AKT3: variants seen among roughly 807,000 people sequenced by gnomAD.
AKT3 encodes the protein RAC-gamma serine/threonine-protein kinase.
AKT3 carries 15 observed loss-of-function variants against 65.3 expected under a neutral mutation model. The observed-to-expected ratio is 0.23, with a 90% CI of 0.15 to 0.35. The LOEUF (loss-of-function observed/expected upper bound fraction) is 0.35. Ranked by LOEUF, AKT3 falls within the 10% of genes least tolerant of loss-of-function variation. The pLI is 1.00. For synonymous variants in AKT3, 206 were observed against 183.8 expected (o/e 1.12, Z -0.98); for missense variants, 243 against 576.5 (o/e 0.42, Z 5.92).
At chr1:243,839,141 CTTAA>C (rs771246289) in intron 2 of AKT3, among the ~76,000 whole-genome samples, 17 of 152,018 alleles carry the variant, frequency 1.1e-4, no homozygotes, top group East Asian at 5.8e-4. Flanking sequence ...ATAATAAGCC[CTTAA>C]TTAATACTAT....
At chr1:243,706,142 G>T (rs1034579745) in intron 2 of AKT3, among the ~76,000 whole-genome samples, 1 of 152,018 alleles carries the variant, frequency 6.6e-6, no homozygotes, top group Non-Finnish European at 1.5e-5. Context: ...AGTCCATAAC[G>T]CAAGAAACTA....
At chr1:243,725,740 C>T (rs1255936407) in intron 2 of AKT3, among the ~76,000 whole-genome samples, 1 of 151,898 alleles carries the variant, frequency 6.6e-6, no homozygotes, top group Non-Finnish European at 1.5e-5. Context: ...AATACCATTG[C>T]CAAAAAAAAT....
intron 2 of AKT3, among the ~76,000 whole-genome samples, chr1:243,809,179 CAAT>C (rs1026395635): frequency 6.6e-6 from 1 of 152,112 alleles, no homozygotes; most frequent in African/African-American, 2.4e-5. Context: ...TCACACACAA[CAAT>C]ATTAACCTTA....
chr1:243,685,927 G>A (rs1161786462), intron 3 of AKT3, among the ~76,000 whole-genome samples: 1 of 152,100 alleles, frequency 6.6e-6, no homozygotes, highest in Non-Finnish European at 1.5e-5. Context: ...CAAAATCAAT[G>A]TGCAAAAATC....
chr1:243,627,034 C>T (rs1052178772), intron 6 of AKT3, among the ~76,000 whole-genome samples: 3 of 152,118 alleles, frequency 2.0e-5, no homozygotes, highest in Admixed American at 6.5e-5. Context: ...ATGACATGTT[C>T]GACACTGGAG....
At chr1:243,613,246 A>C (rs934263500) in intron 8 of AKT3, among the ~76,000 whole-genome samples, 16 of 151,170 alleles carry the variant, frequency 1.1e-4, no homozygotes, top group African/African-American at 3.9e-4. Context: ...AGAAGAGAAA[A>C]CTCAGCCATA....
chr1:243,764,232 T>G (rs1424032022), intron 2 of AKT3, among the ~76,000 whole-genome samples: 1 of 152,126 alleles, frequency 6.6e-6, no homozygotes, highest in East Asian at 1.9e-4. Context: ...TAAAAATAAT[T>G]TTAATTCCCT....
intron 2 of AKT3, among the ~76,000 whole-genome samples, chr1:243,779,210 T>C (rs556914461): frequency 6.6e-6 from 1 of 152,314 alleles, no homozygotes; most frequent in Non-Finnish European, 1.5e-5. Flanking sequence ...AATCACCTTG[T>C]ATATATCACA....
At chr1:243,790,566 C>T (rs938988853) in intron 2 of AKT3, among the ~76,000 whole-genome samples, 3 of 152,162 alleles carry the variant, frequency 2.0e-5, no homozygotes, top group Non-Finnish European at 4.4e-5. Flanking sequence ...ACGGCTGTTT[C>T]GCTTTCTTAT....
At chr1:243,570,783 A>G (rs1329334312) in intron 9 of AKT3, among the ~76,000 whole-genome samples, 1 of 152,138 alleles carries the variant, frequency 6.6e-6, no homozygotes, top group African/African-American at 2.4e-5. Flanking sequence ...GTACCTTTAC[A>G]GTTTCTGTCC....
Position 243,632,939 on chromosome 1 carries a change from G to A in AKT3, c.561+4672C>T, listed in dbSNP as rs185699539. Among the ~76,000 whole-genome samples, 502 of 152,282 alleles carry A rather than the reference G, an allele frequency of 3.3e-3. 2 individuals are homozygous for A. Among genetic ancestry groups the A allele is most frequent in the Non-Finnish European group, 5.3e-3 (362 of 68,020 alleles). ...CTCTGGATTAGGCTTTGGCTTAAGG[G>A]AATGTTGCAGCTGGTTTGAACTTCT... On this transcript the variant is annotated intron_variant, in intron 6 of 13. Transcript: ENST00000673466.
At chr1:243,525,494 G>A (rs1280051032) in intron 12 of AKT3, among the ~76,000 whole-genome samples, 9 of 151,272 alleles carry the variant, frequency 5.9e-5, no homozygotes, top group East Asian at 3.9e-4. Context: ...CTTCAATGAC[G>A]TAAAGTAAAA....
intron 3 of AKT3, among the ~76,000 whole-genome samples, chr1:243,693,022 T>A (rs1436370564): frequency 1.3e-5 from 2 of 151,506 alleles, no homozygotes; most frequent in African/African-American, 2.4e-5. Flanking sequence ...TATAACACTA[T>A]CTTTTTGAAA....
intron 2 of AKT3, among the ~76,000 whole-genome samples, chr1:243,762,007 T>G (rs189442948): frequency 6.6e-6 from 1 of 152,218 alleles, no homozygotes; most frequent in African/African-American, 2.4e-5. Context: ...ATAACACATT[T>G]TGGTCAGGAT....
chr1:243,623,955 T>A (rs1678962657), intron 6 of AKT3, among the ~76,000 whole-genome samples: 2 of 152,280 alleles, frequency 1.3e-5, no homozygotes, highest in South Asian at 4.1e-4. Context: ...TTCTCCAGGA[T>A]TTTGCTCTAT....
chr1:243,516,679 G>T lies in AKT3; in HGVS notation c.1252-4253C>A, dbSNP rs578185367. ...AGCAATCCTCCTGCCTCAGCCTCCT[G>T]AAGCAATCCTCCTGCCTCAGCCTCC... On this transcript the variant is annotated intron_variant, in intron 12 of 13. Coordinates refer to ENST00000673466, the MANE Select transcript of AKT3 (RefSeq NM_005465.7). Among the ~76,000 whole-genome samples the T allele has an allele frequency of 4.7e-5, 7 of 150,214 alleles. 1 individual carries two copies. Among genetic ancestry groups the T allele is most frequent in the Admixed American group, 2.0e-4 (3 of 15,202 alleles).
At chr1:243,727,816 T>TA (rs1222430810) in intron 2 of AKT3, among the ~76,000 whole-genome samples, 1 of 152,178 alleles carries the variant, frequency 6.6e-6, no homozygotes, top group Non-Finnish European at 1.5e-5. Flanking sequence ...AACTATTTTG[T>TA]AAGTATCAAA....
chr1:243,677,669 G>A (rs1409620156), intron 3 of AKT3, among the ~76,000 whole-genome samples: 1 of 151,988 alleles, frequency 6.6e-6, no homozygotes, highest in African/African-American at 2.4e-5. Context: ...TAGATGTAAA[G>A]AATAAAGGAT....
At chr1:243,588,412 C>G (rs1050842961) in intron 8 of AKT3, among the ~76,000 whole-genome samples, 13 of 152,178 alleles carry the variant, frequency 8.5e-5, no homozygotes, top group Non-Finnish European at 1.6e-4. Flanking sequence ...AGAGTGAAAC[C>G]TGAACTTACA....
Sources: gnomAD v4.1 joint callset for allele counts (sites outside exome capture counted in the v4.1 genomes callset) on GRCh38, gnomAD v4.1.1 for gene constraint, MANE v1.5 for transcripts, NCBI Gene and HGNC (gene_info 2026-07-23, HGNC 2026-07-21) for gene names.